ARHGAP32: variants seen among roughly 807,000 people sequenced by gnomAD.
ARHGAP32 encodes Rho GTPase activating protein 32.
In ARHGAP32, 51 loss-of-function variants were observed where a neutral mutation model predicts 186.5. That is an observed-to-expected ratio of 0.27 (90% CI 0.22 to 0.35). The LOEUF (loss-of-function observed/expected upper bound fraction) is 0.35. ARHGAP32 is among the 10% of genes least tolerant of loss of function. The pLI, the probability that ARHGAP32 is intolerant of heterozygous loss-of-function variation, is 1.00. For missense variants in ARHGAP32, 2,186 were observed against 2,623.5 expected, an observed-to-expected ratio of 0.83 and a Z score of 3.64; for synonymous variants, 950 against 964.3, an observed-to-expected ratio of 0.99 and a Z score of 0.27.
At chr11:129,160,752 A>G (rs755010898) in intron 2 of ARHGAP32, among the ~76,000 whole-genome samples, 16 of 152,222 alleles carry the variant, frequency 1.1e-4, no homozygotes, top group Non-Finnish European at 4.4e-5. Flanking sequence ...TTATAGATTC[A>G]ATGCTATCCT....
intron 5 of ARHGAP32, among the ~76,000 whole-genome samples, chr11:129,119,806 T>C (rs1038929113): frequency 1.3e-5 from 2 of 151,760 alleles, no homozygotes; most frequent in African/African-American, 4.8e-5. Context: ...GCATTTTAAG[T>C]AAAGGAAACA....
At chr11:129,126,425 A>G (rs190753863) in intron 2 of ARHGAP32, among the ~76,000 whole-genome samples, 244 of 152,326 alleles carry the variant, frequency 1.6e-3, no homozygotes, top group Middle Eastern at 0.014. Context: ...TGTGTTGCCT[A>G]AACTGCCTCA....
intron 12 of ARHGAP32, among the ~76,000 whole-genome samples, chr11:128,994,881 T>C (rs1946156203): frequency 6.6e-6 from 1 of 152,196 alleles, no homozygotes; most frequent in African/African-American, 2.4e-5. Context: ...ATAATATATC[T>C]GGCCTTGGTC....
upstream of ARHGAP32, among the ~76,000 whole-genome samples, chr11:129,193,504 A>G (rs1367467784): frequency 1.6e-4 from 15 of 94,432 alleles, no homozygotes; most frequent in Admixed American, 2.9e-4. Context: ...AAAAAAATAT[A>G]TATATATGCA....
chr11:129,193,499 A>ATAT (rs1242161315), upstream of ARHGAP32, among the ~76,000 whole-genome samples: 24 of 64,360 alleles, frequency 3.7e-4, no homozygotes, highest in East Asian at 8.6e-4. Context: ...AAAAAAAAAA[A>ATAT]ATATATATAT....
chr11:129,130,594 G>A (rs1942787840), intron 2 of ARHGAP32, among the ~76,000 whole-genome samples: 2 of 150,442 alleles, frequency 1.3e-5, no homozygotes, highest in African/African-American at 4.9e-5. Context: ...AATACTAATA[G>A]CCAATAATCA....
intron 1 of ARHGAP32, among the ~76,000 whole-genome samples, chr11:129,206,687 C>T (rs1399192719): frequency 3.3e-5 from 5 of 151,828 alleles, no homozygotes; most frequent in Admixed American, 3.3e-4. Context: ...CTTTATCTTG[C>T]TGATTATGTC....
intron 1 of ARHGAP32, among the ~76,000 whole-genome samples, chr11:129,166,759 T>C (rs1194021310): frequency 6.8e-6 from 1 of 146,572 alleles, no homozygotes; most frequent in Admixed American, 6.7e-5. Flanking sequence ...GAATTCCTAA[T>C]TGAAGAAAAC....
chr11:129,219,267 ACCT>A, intron 1 of ARHGAP32, among the ~76,000 whole-genome samples: 1 of 152,202 alleles, frequency 6.6e-6, no homozygotes, highest in Non-Finnish European at 1.5e-5. Context: ...AGTTGCAAGT[ACCT>A]AGGACTATAT....
chr11:128,972,961 G>A lies in ARHGAP32; in HGVS notation c.3545C>T (p.Ser1182Leu), dbSNP rs1416238641. Residue 1182 changes from serine to leucine, a missense_variant, in exon 22 of 23, where the codon TCA (serine) becomes TTA (leucine). Around this residue, in one of 5 missense-constraint regions of ARHGAP32, gnomAD observed 1,502 missense variants for 1,570.0 expected, o/e 0.96. Coordinates refer to ENST00000682385, the MANE Select transcript of ARHGAP32 (RefSeq NM_001378024.1). Reference sequence around the variant, plus strand: ...AGACTTCTCTGAGTCTAAGGGAACTGAAGTAATTCTGGCCTTTTCTGGGTC... The same window carrying A: ...AGACTTCTCTGAGTCTAAGGGAACTAAAGTAATTCTGGCCTTTTCTGGGTC... ...SGDPEKARIT[S>L]VPLDSEKSDD... 9 of 1,613,974 alleles carry A rather than the reference G, an allele frequency of 5.6e-6. No homozygotes were observed. The highest frequency in any genetic ancestry group is 7.6e-6 in the Non-Finnish European group (9 of 1,180,040).
chr11:129,265,571 C>T (rs1945387030), intron 1 of ARHGAP32, among the ~76,000 whole-genome samples: 1 of 152,192 alleles, frequency 6.6e-6, no homozygotes, highest in Non-Finnish European at 1.5e-5. Context: ...CAATCCCCCA[C>T]ATAGTTGAGT....
rs755082177 is a variant in ARHGAP32 at position 128,988,009 on chromosome 11, A to G, written c.1298+14T>C. 6 of 1,578,864 alleles carry G rather than the reference A, an allele frequency of 3.8e-6. No individual in the cohort carries two copies. In the South Asian group the frequency reaches 6.7e-5, roughly 18 times the overall value. Reference sequence around the variant, plus strand: ...AGTTAAGAAGGAGTGAAAAAGTGCCATATAAGATTTTACCGTAGTCTCTGG... The same window carrying G: ...AGTTAAGAAGGAGTGAAAAAGTGCCGTATAAGATTTTACCGTAGTCTCTGG... On this transcript the variant is annotated intron_variant, in intron 13 of 22. Coordinates refer to ENST00000682385, the MANE Select transcript of ARHGAP32 (RefSeq NM_001378024.1).
chr11:129,122,638 C>T (rs1274542983), intron 5 of ARHGAP32, among the ~76,000 whole-genome samples: 1 of 152,020 alleles, frequency 6.6e-6, no homozygotes, highest in Non-Finnish European at 1.5e-5. Context: ...TTTCATAAAT[C>T]CTATAGATCA....
intron 1 of ARHGAP32, among the ~76,000 whole-genome samples, chr11:129,269,553 T>G (rs1945448691): frequency 6.6e-6 from 1 of 151,882 alleles, no homozygotes. Context: ...ATAGAGAGAC[T>G]TCGTCTCTAC....
At chr11:129,170,265 T>C (rs1406683905) in intron 1 of ARHGAP32, among the ~76,000 whole-genome samples, 1 of 150,892 alleles carries the variant, frequency 6.6e-6, no homozygotes, top group Non-Finnish European at 1.5e-5. Flanking sequence ...GTTACATAGG[T>C]ATACATGTGC....
intron 1 of ARHGAP32, among the ~76,000 whole-genome samples, chr11:129,199,036 C>G (rs558467600): frequency 2.6e-4 from 39 of 152,224 alleles, no homozygotes; most frequent in African/African-American, 9.4e-4. Flanking sequence ...GGCATTTTGC[C>G]CCTGCCCTAG....
At chr11:129,094,381 T>G (rs542697180) in intron 5 of ARHGAP32, among the ~76,000 whole-genome samples, 1 of 152,268 alleles carries the variant, frequency 6.6e-6, no homozygotes, top group African/African-American at 2.4e-5. Context: ...GATTTGAAAT[T>G]TAAAATTTCA....
intron 1 of ARHGAP32, among the ~76,000 whole-genome samples, chr11:129,205,389 C>T (rs1315050060): frequency 6.6e-6 from 1 of 152,084 alleles, no homozygotes; most frequent in Non-Finnish European, 1.5e-5. Context: ...ATTACAGGTA[C>T]TATTCAAGTT....
At chr11:129,014,396 G>A (rs1252295665) in intron 11 of ARHGAP32, among the ~76,000 whole-genome samples, 1 of 152,122 alleles carries the variant, frequency 6.6e-6, no homozygotes, top group Non-Finnish European at 1.5e-5. Context: ...TACTTCCCCA[G>A]CAATCCCAAC....
Sources: gnomAD v4.1 joint callset for allele counts (sites outside exome capture counted in the v4.1 genomes callset) on GRCh38, gnomAD v4.1.1 for gene constraint, gnomAD v4.1.1 regional missense constraint, MANE v1.5 for transcripts, NCBI Gene and HGNC (gene_info 2026-07-23, HGNC 2026-07-21) for gene names.